DOK7: variants seen among roughly 807,000 people sequenced by gnomAD.
DOK7 encodes the protein docking protein 7.
DOK7 carries 32 observed loss-of-function variants against 30.7 expected under a neutral mutation model. That is an observed-to-expected ratio of 1.04 (90% confidence interval 0.79 to 1.40). The LOEUF (loss-of-function observed/expected upper bound fraction) is 1.40, where lower values mean the gene tolerates loss of function less well. DOK7 is among the 40% of genes most tolerant of loss of function. The pLI is 0.00. For missense variants in DOK7, 1,007 were observed against 699.2 expected (o/e 1.44, Z -4.97); for synonymous variants, 447 against 324.1 (o/e 1.38, Z -4.07).
chr4:3,494,151 A>G lies in DOK7; in HGVS notation c.*650A>G, dbSNP rs946038156. Reference sequence around the variant, plus strand: ...TTCCGGGAGCAGGTGGTGTCCTCAGAGCAGCCTCGCCTGCTGACCCCACTG... The same window carrying G: ...TTCCGGGAGCAGGTGGTGTCCTCAGGGCAGCCTCGCCTGCTGACCCCACTG... On this transcript the variant is annotated 3_prime_UTR_variant, in exon 7 of 7. Transcript: ENST00000340083. The G allele has an allele frequency of 8.1e-6, 8 of 985,630 alleles. No individual in the cohort carries two copies. Among genetic ancestry groups the G allele is most frequent in the Non-Finnish European group, 9.6e-6 (8 of 830,078 alleles). The allele number at this position is 985,630 out of a possible 1,614,324, so 61.1% of individuals were successfully genotyped here.
chr4:3,500,976 A>T (rs1302874893), exon 8 of DOK7: 2 of 1,286,682 alleles, frequency 1.6e-6, no homozygotes, highest in African/African-American at 1.5e-5. Flanking sequence ...CCATGGTGCA[A>T]ACAGGAAGTT....
chr4:3,489,326 G>A (rs1728018840), intron 5 of DOK7, among the ~76,000 whole-genome samples: 1 of 152,162 alleles, frequency 6.6e-6, no homozygotes. Flanking sequence ...CGGCCCTGGG[G>A]ATGGGGGAGG....
intron 4 of DOK7, among the ~76,000 whole-genome samples, chr4:3,478,542 A>G (rs1267878408): frequency 2.5e-5 from 2 of 79,802 alleles, no homozygotes; most frequent in Non-Finnish European, 4.9e-5. Context: ...GGCTGGCCCC[A>G]CAGAACCCAC....
At chr4:3,499,141 A>C (rs1729069493), downstream of DOK7, among the ~76,000 whole-genome samples, 1 of 152,186 alleles carries the variant, frequency 6.6e-6, no homozygotes. Context: ...CTGAGGATGC[A>C]TCCCTGGGGC....
chr4:3,475,747 G>C (rs1363162916), intron 3 of DOK7, among the ~76,000 whole-genome samples: 1 of 152,134 alleles, frequency 6.6e-6, no homozygotes, highest in Non-Finnish European at 1.5e-5. Context: ...CTTCTGTGAT[G>C]GAGCCACACA....
intron 4 of DOK7, among the ~76,000 whole-genome samples, chr4:3,480,007 A>T (rs1424918397): frequency 6.6e-6 from 1 of 152,154 alleles, no homozygotes; most frequent in Non-Finnish European, 1.5e-5. Context: ...TCGGGGATGG[A>T]CTGTGCGTGG....
chr4:3,497,920 G>C (rs540346966), downstream of DOK7, among the ~76,000 whole-genome samples: 64 of 152,306 alleles, frequency 4.2e-4, 1 homozygote, highest in African/African-American at 1.5e-3. Context: ...TTGCCTCCCC[G>C]AGGCCACCCG....
intron 4 of DOK7, among the ~76,000 whole-genome samples, chr4:3,483,968 A>T (rs535630208): frequency 6.6e-6 from 1 of 152,248 alleles, no homozygotes; most frequent in South Asian, 2.1e-4. Flanking sequence ...ATGGCATCGC[A>T]GCGGGCATTG....
At chr4:3,478,003 T>C (rs552746494) in intron 4 of DOK7, among the ~76,000 whole-genome samples, 1 of 152,180 alleles carries the variant, frequency 6.6e-6, no homozygotes, top group East Asian at 1.9e-4. Flanking sequence ...CCCTGTCCTT[T>C]GTCGTGTGGG....
chr4:3,498,501 G>A (rs1334693342), downstream of DOK7, among the ~76,000 whole-genome samples: 1 of 152,194 alleles, frequency 6.6e-6, no homozygotes, highest in East Asian at 1.9e-4. Flanking sequence ...CAGGCTGCAG[G>A]GGGGTGTCCA....
At chr4:3,500,554 C>A in intron 7 of DOK7, 1 of 1,485,038 alleles carries the variant, frequency 6.7e-7, no homozygotes, top group South Asian at 1.3e-5. Flanking sequence ...AACTCCATCC[C>A]TGGCCAGGCC....
chr4:3,468,704 ATGTG>A (rs149801755), intron 2 of DOK7, among the ~76,000 whole-genome samples: 2,541 of 127,262 alleles, frequency 0.02, 79 homozygotes, highest in African/African-American at 0.066. Context: ...ATGTCTGTGT[ATGTG>A]TGTGTATGTG....
At chr4:3,499,233 G>A (rs927936646), downstream of DOK7, among the ~76,000 whole-genome samples, 4 of 152,154 alleles carry the variant, frequency 2.6e-5, no homozygotes, top group African/African-American at 7.2e-5. Flanking sequence ...GCTGTCACCC[G>A]CTGGATCCCA....
At position 3,493,088 on chromosome 4, in the gene DOK7, G is replaced by C; in HGVS notation, c.1102G>C (p.Glu368Gln). Reference sequence around the variant, plus strand: ...CCTGGACGTGTGGCGGGCCACAGATGAACTGGGCTCACTGCTCAGCCTGCC... The same window carrying C: ...CCTGGACGTGTGGCGGGCCACAGATCAACTGGGCTCACTGCTCAGCCTGCC... ...SSLDVWRATDELGSLLSLPAA... is the reference protein window; with the variant it reads ...SSLDVWRATDQLGSLLSLPAA... Residue 368 changes from glutamate (E) to glutamine (Q), a missense_variant, in exon 7 of 7, where the codon GAA (glutamate) becomes CAA (glutamine). Transcript: ENST00000340083. The C allele has an allele frequency of 6.3e-7, 1 of 1,578,616 alleles. No homozygotes were observed. Among genetic ancestry groups the C allele is most frequent in the Non-Finnish European group, 8.6e-7 (1 of 1,166,548 alleles).
chr4:3,485,466 C>T (rs996362742), intron 4 of DOK7, 73 bp from the exon 5 acceptor site: 6 of 1,419,898 alleles, frequency 4.2e-6, no homozygotes, highest in Admixed American at 5.1e-5. Flanking sequence ...CTGCGGTTTC[C>T]TGTGTTCCTC....
intron 4 of DOK7, among the ~76,000 whole-genome samples, chr4:3,483,970 C>T (rs143071513): frequency 1.0e-3 from 155 of 152,328 alleles, no homozygotes; most frequent in African/African-American, 3.6e-3. Flanking sequence ...GGCATCGCAG[C>T]GGGCATTGGC....
Position 3,494,138 on chromosome 4 carries a change from G to C in DOK7, c.*637G>C. On this transcript the variant is annotated 3_prime_UTR_variant, in exon 7 of 7. Coordinates refer to ENST00000340083, the MANE Select transcript of DOK7 (RefSeq NM_173660.5). Reference sequence around the variant, plus strand: ...CCTTGTGGGAAGGTTCCGGGAGCAGGTGGTGTCCTCAGAGCAGCCTCGCCT... The same window carrying C: ...CCTTGTGGGAAGGTTCCGGGAGCAGCTGGTGTCCTCAGAGCAGCCTCGCCT... 1.0e-6 allele frequency: 1 copy of C among 985,782 alleles called. No homozygotes were observed. Among genetic ancestry groups the C allele is most frequent in the Non-Finnish European group, 1.2e-6 (1 of 830,184 alleles). The allele number at this position is 985,782 out of a possible 1,614,324, so 61.1% of individuals were successfully genotyped here.
exon 8 of DOK7, chr4:3,501,016 C>T (rs1183401062): frequency 1.1e-5 from 10 of 882,912 alleles, no homozygotes; most frequent in Non-Finnish European, 1.7e-5. Flanking sequence ...CCTCCTGCCT[C>T]ACAGGTGTCC....
At position 3,489,406 on chromosome 4, in the gene DOK7, G is replaced by A. The variant is rs79739689; in HGVS notation, c.653-271G>A. Among the ~76,000 whole-genome samples, 1,302 of 152,292 alleles carry A rather than the reference G, an allele frequency of 8.5e-3. 23 individuals carry two copies. The highest frequency in any genetic ancestry group is 0.029 in the African/African-American group (1,225 of 41,554). Reference sequence around the variant, plus strand: ...AGGAAGATGAGGAAGGAGGGGTCTGGCCGGCGTGGGGTCCTGGTGAGTGGG... The same window carrying A: ...AGGAAGATGAGGAAGGAGGGGTCTGACCGGCGTGGGGTCCTGGTGAGTGGG... On this transcript the variant is annotated intron_variant, in intron 5 of 6. Transcript: ENST00000340083.
Sources: allele counts gnomAD v4.1 joint callset (sites outside exome capture counted in the v4.1 genomes callset), GRCh38; gene constraint gnomAD v4.1.1; transcripts MANE v1.5; gene names NCBI Gene and HGNC (gene_info 2026-07-23, HGNC 2026-07-21).